Variants in STARD13 observed in about 807,000 individuals in gnomAD.
The protein encoded by STARD13 is StAR related lipid transfer domain containing 13.
A neutral mutation model predicts 106.4 loss-of-function variants in STARD13; 62 were observed. The observed-to-expected ratio is 0.58, with a 90% confidence interval of 0.48 to 0.72. STARD13 has a LOEUF of 0.72. Ranked by LOEUF, STARD13 falls within the 30% of genes least tolerant of loss-of-function variation. The pLI is 0.00. For synonymous variants in STARD13, 565 were observed against 553.0 expected (o/e 1.02, Z -0.31); for missense variants, 1,387 against 1,424.0 (o/e 0.97, Z 0.42).
the STARD13 span, among the ~76,000 whole-genome samples, chr13:33,517,326 A>T: frequency 2.1e-4 from 32 of 152,090 alleles, no homozygotes; most frequent in Non-Finnish European, 4.1e-4. Flanking sequence ...CTTGGCCCTC[A>T]TTTGCTGGAG....
At chr13:33,608,799 G>A in the STARD13 span, among the ~76,000 whole-genome samples, 1 of 152,072 alleles carries the variant, frequency 6.6e-6, no homozygotes, top group Admixed American at 6.6e-5. Context: ...ATGAAATATT[G>A]ATACAGGCTG....
intron 1 of STARD13, among the ~76,000 whole-genome samples, chr13:33,242,488 C>T (rs1489054019): frequency 6.6e-6 from 1 of 152,176 alleles, no homozygotes; most frequent in Non-Finnish European, 1.5e-5. Flanking sequence ...GCTGTGTCCA[C>T]TAAGGGTTAA....
chr13:33,257,743 G>A (rs747237130), intron 1 of STARD13, among the ~76,000 whole-genome samples: 2 of 152,142 alleles, frequency 1.3e-5, no homozygotes, highest in Non-Finnish European at 2.9e-5. Context: ...CAAGAAGAAG[G>A]TTGGTTATTA....
intron 3 of STARD13, among the ~76,000 whole-genome samples, chr13:33,151,250 T>C (rs926837236): frequency 1.3e-5 from 2 of 152,158 alleles, no homozygotes; most frequent in African/African-American, 4.8e-5. Context: ...GGTTGATTTA[T>C]AAGGAAAAGA....
chr13:33,575,814 T>C, the STARD13 span, among the ~76,000 whole-genome samples: 2 of 152,184 alleles, frequency 1.3e-5, no homozygotes, highest in Non-Finnish European at 2.9e-5. Context: ...AATAAGCCTC[T>C]TTTTATTTAT....
the STARD13 span, among the ~76,000 whole-genome samples, chr13:33,512,614 C>T: frequency 6.6e-6 from 1 of 152,012 alleles, no homozygotes; most frequent in Non-Finnish European, 1.5e-5. Flanking sequence ...TTTATAGGTG[C>T]CCGCCATCAC....
chr13:33,131,312 C>T (rs968308446), intron 4 of STARD13, among the ~76,000 whole-genome samples: 4 of 152,222 alleles, frequency 2.6e-5, no homozygotes, highest in Admixed American at 2.6e-4. Flanking sequence ...CTCTCATTCT[C>T]TTAGTGTAGG....
At chr13:33,119,937 G>GA in intron 7 of STARD13, among the ~76,000 whole-genome samples, 1 of 152,250 alleles carries the variant, frequency 6.6e-6, no homozygotes, top group East Asian at 1.9e-4. Flanking sequence ...TGTCAAAAGA[G>GA]AAAAAAATTC....
intron 1 of STARD13, among the ~76,000 whole-genome samples, chr13:33,308,520 C>CTTTTTTTTTTTTTT (rs552526416): frequency 1.1e-3 from 101 of 88,582 alleles, no homozygotes; most frequent in Non-Finnish European, 1.4e-3. Context: ...CTTTTTCTTT[C>CTTTTTTTTTTTTTT]TTTTTTTTTT....
At chr13:33,326,495 G>GAGAAAGT (rs2058934581) in intron 1 of STARD13, among the ~76,000 whole-genome samples, 1 of 152,120 alleles carries the variant, frequency 6.6e-6, no homozygotes, top group South Asian at 2.1e-4. Context: ...CCTGTACTCC[G>GAGAAAGT]ACATTAAGGG....
intron 1 of STARD13, among the ~76,000 whole-genome samples, chr13:33,265,405 A>T (rs1012182590): frequency 6.6e-6 from 1 of 152,208 alleles, no homozygotes; most frequent in Non-Finnish European, 1.5e-5. Flanking sequence ...TGTAAACAAT[A>T]TGAACAGGTG....
downstream of STARD13, among the ~76,000 whole-genome samples, chr13:33,344,034 G>A (rs139397578): frequency 9.4e-4 from 143 of 151,970 alleles, no homozygotes; most frequent in African/African-American, 2.9e-3. Context: ...CCCTGTATTC[G>A]CCCCAGAATT....
the STARD13 span, among the ~76,000 whole-genome samples, chr13:33,422,058 C>A: frequency 6.6e-6 from 1 of 152,112 alleles, no homozygotes; most frequent in Non-Finnish European, 1.5e-5. Context: ...CCTTCTTTCA[C>A]CATTCCTATT....
chr13:33,506,693 T>C, the STARD13 span, among the ~76,000 whole-genome samples: 677 of 152,290 alleles, frequency 4.4e-3, 6 homozygotes, highest in Non-Finnish European at 7.8e-3. Flanking sequence ...ACCAATGGAT[T>C]TTAATGTAAA....
At chr13:33,610,307 A>C in the STARD13 span, among the ~76,000 whole-genome samples, 6 of 152,196 alleles carry the variant, frequency 3.9e-5, no homozygotes, top group Non-Finnish European at 8.8e-5. Flanking sequence ...AGTCTTACTT[A>C]TTTAAGGAGA....
chr13:33,341,846 C>G (rs1471744449), intron 1 of STARD13, among the ~76,000 whole-genome samples: 1 of 151,380 alleles, frequency 6.6e-6, no homozygotes, highest in African/African-American at 2.4e-5. Context: ...CTGGAGTGCA[C>G]TGGTACAATC....
intron 8 of STARD13, 115 bp from the exon 9 acceptor site, chr13:33,113,046 A>G: frequency 2.8e-6 from 2 of 710,862 alleles, no homozygotes; most frequent in Non-Finnish European, 4.5e-6. Flanking sequence ...GTCATCATCA[A>G]CAAAAACAAC....
the STARD13 span, among the ~76,000 whole-genome samples, chr13:33,394,211 T>C: frequency 6.6e-6 from 1 of 152,140 alleles, no homozygotes. Context: ...TTATTCCTTT[T>C]TTTTTTTCTA....
chr13:33,130,182 T>C lies in STARD13; in HGVS notation c.495A>G (p.Arg165=), dbSNP rs111691119. 4.3e-6 allele frequency: 7 copies of C among 1,613,862 alleles called. No homozygotes were observed. In the South Asian group the frequency reaches 7.7e-5, roughly 18 times the overall value. The change falls in exon 5 of 14, where the codon CGA becomes CGG. Residue 165 remains arginine (R), a synonymous_variant. Coordinates refer to ENST00000336934, the MANE Select transcript of STARD13 (RefSeq NM_178006.4). This position sits in a 1 kb window ranked among gnomAD's most constrained non-coding sequence, Gnocchi z 4.1. ...RVDDLYTLLP[R]GDRNGSPGGT... ...CTCCCGGTGACCCATTTCTGTCTCC[T>C]CGAGGGAGCAGCGTGTAGAGGTCGT...
Sources: gnomAD v4.1 joint callset for allele counts (sites outside exome capture counted in the v4.1 genomes callset) on GRCh38, gnomAD v4.1.1 for gene constraint, Gnocchi (gnomAD v3.1) non-coding constraint, MANE v1.5 for transcripts, NCBI Gene and HGNC (gene_info 2026-07-23, HGNC 2026-07-21) for gene names.